Variants in APOL3 observed in about 807,000 individuals in gnomAD.
APOL3 encodes TNF-inducible protein CG12-1.
A neutral mutation model predicts 11.6 loss-of-function variants in APOL3; 14 were observed. That is an observed-to-expected ratio of 1.21 (90% CI 0.80 to 1.89). APOL3 has a LOEUF of 1.89. APOL3 is among the 40% of genes most tolerant of loss of function. The pLI, the probability that APOL3 is intolerant of heterozygous loss-of-function variation, is 0.00. For synonymous variants in APOL3, 192 were observed against 190.6 expected (o/e 1.01, Z -0.06); for missense variants, 483 against 492.1 (o/e 0.98, Z 0.17).
At chr22:36,145,643 C>T (rs1331781861) in intron 1 of APOL3, 44 bp from the exon 3 acceptor site, 2 of 1,607,302 alleles carry the variant, frequency 1.2e-6, no homozygotes, top group South Asian at 1.1e-5. Context: ...AAGTGTGCTA[C>T]AGCCTAAATG....
chr22:36,149,905 C>A (rs1348150806), intron 1 of APOL3: 1 of 456,226 alleles, frequency 2.2e-6, no homozygotes. Context: ...GTCCTGGCTG[C>A]AAGTGATGCT....
chr22:36,143,586 C>A (rs1347103298), intron 2 of APOL3, among the ~76,000 whole-genome samples: 1 of 152,204 alleles, frequency 6.6e-6, no homozygotes, highest in Non-Finnish European at 1.5e-5. Flanking sequence ...TCTTCCAATG[C>A]CACATGCCCT....
chr22:36,141,501 G>A, exon 3 of APOL3: 2 of 1,614,188 alleles, frequency 1.2e-6, no homozygotes, highest in Non-Finnish European at 1.7e-6. Context: ...TCGGGCCCTG[G>A]CTCTGGCTTG....
chr22:36,142,961 C>A (rs1051485895), intron 2 of APOL3, among the ~76,000 whole-genome samples: 1 of 152,194 alleles, frequency 6.6e-6, no homozygotes, highest in African/African-American at 2.4e-5. Context: ...GGTCTTCACC[C>A]GCTCCTTACC....
chr22:36,149,883 T>C lies in APOL3; in HGVS notation c.224-4284A>G, dbSNP rs1270991521. 8.8e-6 allele frequency: 4 copies of C among 456,326 alleles called. No homozygotes were observed. The East Asian group carries it at 2.8e-4, about 32-fold the overall frequency. The allele number at this position is 456,326 out of a possible 1,614,324, so 28.3% of individuals were successfully genotyped here. A position where few individuals can be genotyped will look rare whatever the true frequency, so the allele number is the denominator to read the frequency against. ...GCTGGACACCCTTTGTCCCCCTTGC[T>C]TCTGCCTGTATGTCCTGGCTGCAAG... On this transcript the variant is annotated intron_variant, in intron 1 of 2. Transcript: ENST00000349314.
chr22:36,146,218 C>T (rs2060214860), intron 1 of APOL3: 1 of 152,108 alleles, frequency 6.6e-6, no homozygotes. Flanking sequence ...TTTACTAAGG[C>T]ATCCTGAGAA....
At position 36,156,368 on chromosome 22, in the gene APOL3, G is replaced by A. The variant is rs143414336; in HGVS notation, c.223+4301C>T. 2.4e-4 allele frequency among the ~76,000 whole-genome samples: 37 copies of A among 152,240 alleles called. No individual in the cohort carries two copies. In the East Asian group the frequency reaches 5.4e-3, roughly 22 times the overall value. On this transcript the variant is annotated intron_variant, in intron 1 of 2. Transcript: ENST00000349314. ...TGCATTAGCCTTCGTGCATTAGCAC[G>A]GGAATTACAGCCCTGAGCCACAATA...
intron 2 of APOL3, among the ~76,000 whole-genome samples, chr22:36,144,980 C>T (rs1167035241): frequency 7.4e-6 from 1 of 135,740 alleles, no homozygotes; most frequent in Non-Finnish European, 1.5e-5. Flanking sequence ...CACTGCACTC[C>T]AGCCTGGGGG....
At chr22:36,149,659 C>T (rs1456473675) in intron 1 of APOL3, 2 of 359,848 alleles carry the variant, frequency 5.6e-6, no homozygotes, top group African/African-American at 4.3e-5. Context: ...GTTAAGCAAC[C>T]TTGCCATGTT....
exon 3 of APOL3, chr22:36,141,530 A>C: frequency 1.2e-6 from 2 of 1,613,908 alleles, no homozygotes; most frequent in Non-Finnish European, 1.7e-6. Context: ...CACGGATTTC[A>C]CTCCCAATGG....
intron 1 of APOL3, among the ~76,000 whole-genome samples, chr22:36,157,716 A>C (rs541447768): frequency 6.6e-6 from 1 of 152,372 alleles, no homozygotes; most frequent in South Asian, 2.1e-4. Context: ...CACAATCCAC[A>C]AGAAATGCTC....
intron 1 of APOL3, among the ~76,000 whole-genome samples, chr22:36,155,401 GC>G (rs1175008788): frequency 6.6e-6 from 1 of 152,124 alleles, no homozygotes; most frequent in Non-Finnish European, 1.5e-5. Flanking sequence ...CTCATCGAAA[GC>G]CTCTCACCTC....
chr22:36,149,802 T>A (rs1443528625), intron 1 of APOL3: 1 of 455,652 alleles, frequency 2.2e-6, no homozygotes, highest in South Asian at 1.6e-5. Context: ...TCATTCCAAA[T>A]CTGTGTCTTG....
intron 1 of APOL3, among the ~76,000 whole-genome samples, chr22:36,158,374 T>G (rs1180815338): frequency 6.6e-6 from 1 of 152,182 alleles, no homozygotes; most frequent in Admixed American, 6.5e-5. Flanking sequence ...CACCCACTCC[T>G]AGGTCTCAGC....
chr22:36,166,132 A>G (rs1270058729), exon 1 of APOL3: 2 of 152,210 alleles, frequency 1.3e-5, no homozygotes, highest in Non-Finnish European at 2.9e-5. Context: ...TTATACCATC[A>G]TTATAATAAA....
At chr22:36,157,910 T>A (rs187657366) in intron 1 of APOL3, among the ~76,000 whole-genome samples, 3 of 152,182 alleles carry the variant, frequency 2.0e-5, no homozygotes, top group Admixed American at 1.3e-4. Context: ...ATTTGCCAGG[T>A]GTGGAGGCAC....
chr22:36,140,905 A>C (rs2059960101), exon 3 of APOL3: 1 of 336,406 alleles, frequency 3.0e-6, no homozygotes. Context: ...CCTCCCCTCT[A>C]TTCCTCCCCC....
At chr22:36,141,912 G>A in exon 3 of APOL3, 1 of 1,614,174 alleles carries the variant, frequency 6.2e-7, no homozygotes, top group Non-Finnish European at 8.5e-7. Flanking sequence ...CTTTTCTATG[G>A]ACTCCTGGAT....
upstream of APOL3, among the ~76,000 whole-genome samples, chr22:36,164,190 C>T (rs1196264235): frequency 6.6e-6 from 1 of 152,200 alleles, no homozygotes; most frequent in Non-Finnish European, 1.5e-5. Flanking sequence ...CAACGGACTG[C>T]ACAACATCAC....
Sources: gnomAD v4.1 joint callset for allele counts (sites outside exome capture counted in the v4.1 genomes callset) on GRCh38, gnomAD v4.1.1 for gene constraint, MANE v1.5 for transcripts, NCBI Gene and HGNC (gene_info 2026-07-23, HGNC 2026-07-21) for gene names.